GCH1: variants seen among roughly 807,000 people sequenced by gnomAD.
GCH1 encodes GTP cyclohydrolase 1, also known as GTP cyclohydrolase I.
A neutral mutation model predicts 25.9 loss-of-function variants in GCH1; 5 were observed. The observed-to-expected ratio is 0.19, with a 90% CI of 0.10 to 0.41. The LOEUF (loss-of-function observed/expected upper bound fraction) is 0.41, where lower values mean the gene tolerates loss of function less well. Ranked by LOEUF, GCH1 falls within the 10% of genes least tolerant of loss-of-function variation. The pLI, the probability that GCH1 is intolerant of heterozygous loss-of-function variation, is 1.00. For missense variants in GCH1, 261 were observed against 336.5 expected, an observed-to-expected ratio of 0.78 and a Z score of 1.75; for synonymous variants, 159 against 129.6, an observed-to-expected ratio of 1.23 and a Z score of -1.54.
At position 54,843,600 on chromosome 14, in the gene GCH1, G is replaced by A. The variant is rs1300414326; in HGVS notation, c.*417C>T. On this transcript the variant is annotated 3_prime_UTR_variant, in exon 6 of 6. Transcript: ENST00000491895. ...CCGCACTAAATATTTTAGCACTTTC[G>A]GCACTACACCACTTTTATTGGAGGA... 2.9e-5 allele frequency: 42 copies of A among 1,438,132 alleles called. No homozygotes were observed. Among genetic ancestry groups the A allele is most frequent in the Non-Finnish European group, 3.2e-5 (35 of 1,096,384 alleles). The allele number at this position is 1,438,132 out of a possible 1,614,324, so 89.1% of individuals were successfully genotyped here. A position where few individuals can be genotyped will look rare whatever the true frequency, so the allele number is the denominator to read the frequency against.
At chr14:54,895,590 A>G (rs2040473890) in intron 1 of GCH1, among the ~76,000 whole-genome samples, 2 of 152,234 alleles carry the variant, frequency 1.3e-5, no homozygotes, top group South Asian at 4.1e-4. Flanking sequence ...AATTTAACTA[A>G]GTGTAGGTTC....
intron 1 of GCH1, 43 bp downstream of exon 1, chr14:54,902,278 C>T (rs764030056): frequency 3.4e-5 from 54 of 1,597,442 alleles, no homozygotes; most frequent in South Asian, 4.4e-5. Context: ...GCAAGCACCG[C>T]CCCCGCCGCC....
chr14:54,865,228 T>C, intron 2 of GCH1, 99 bp downstream of exon 2: 2 of 668,724 alleles, frequency 3.0e-6, no homozygotes, highest in Admixed American at 4.7e-5. Flanking sequence ...ATACCTGAGA[T>C]ATCAGCAATT....
At chr14:54,870,325 C>T (rs189590475) in intron 1 of GCH1, among the ~76,000 whole-genome samples, 249 of 107,968 alleles carry the variant, frequency 2.3e-3, no homozygotes, top group Non-Finnish European at 3.7e-3. Context: ...TAGCCAGACT[C>T]TGTTTTTACC....
At chr14:54,856,236 C>G (rs2039809924) in intron 3 of GCH1, among the ~76,000 whole-genome samples, 2 of 152,146 alleles carry the variant, frequency 1.3e-5, no homozygotes, top group South Asian at 2.1e-4. Flanking sequence ...CCTGCCAGGC[C>G]ACAGCCATCA....
chr14:54,856,184 C>T (rs1327750074), intron 3 of GCH1, among the ~76,000 whole-genome samples: 1 of 152,188 alleles, frequency 6.6e-6, no homozygotes, highest in Non-Finnish European at 1.5e-5. Context: ...ACTTCTCCCC[C>T]ATTTAGAATT....
chr14:54,870,021 G>A (rs2040046530), intron 1 of GCH1, among the ~76,000 whole-genome samples: 2 of 152,154 alleles, frequency 1.3e-5, no homozygotes, highest in Admixed American at 6.5e-5. Context: ...GGGCCAGAGA[G>A]GTAGGAGAGA....
At position 54,843,509 on chromosome 14, in the gene GCH1, T is replaced by C. The variant is rs2039591434; in HGVS notation, c.*508A>G. ...CGACTGCTAAAAATATATTTTTAAA[T>C]GTCACTGGTGGTTTAATAAACATGA... On this transcript the variant is annotated 3_prime_UTR_variant, in exon 6 of 6. Transcript: ENST00000491895. 1 of 1,295,896 alleles carries C rather than the reference T, an allele frequency of 7.7e-7. No homozygotes were observed. The highest frequency in any genetic ancestry group is 1.5e-5 in the African/African-American group (1 of 66,534). 80.3% of individuals were successfully genotyped at this position (1,295,896 alleles called of 1,614,324 possible).
At chr14:54,858,784 C>G (rs536839903) in intron 3 of GCH1, among the ~76,000 whole-genome samples, 1 of 152,050 alleles carries the variant, frequency 6.6e-6, no homozygotes, top group Non-Finnish European at 1.5e-5. Context: ...TAACTTTATA[C>G]GAAGAAACAA....
chr14:54,895,167 C>T (rs1047599806), intron 1 of GCH1, among the ~76,000 whole-genome samples: 1 of 152,170 alleles, frequency 6.6e-6, no homozygotes, highest in African/African-American at 2.4e-5. Flanking sequence ...ATCTAATTGC[C>T]TCCCATTATC....
chr14:54,891,524 C>T (rs917017600), intron 1 of GCH1, among the ~76,000 whole-genome samples: 2 of 151,764 alleles, frequency 1.3e-5, no homozygotes, highest in East Asian at 1.9e-4. Context: ...ATTCTCGTGC[C>T]TCAGCCTCCC....
chr14:54,871,152 T>TCA (rs1364100682), intron 1 of GCH1, among the ~76,000 whole-genome samples: 1 of 152,084 alleles, frequency 6.6e-6, no homozygotes, highest in Admixed American at 6.6e-5. Context: ...AGACAAAACT[T>TCA]CCAGAGGAAC....
chr14:54,867,184 T>C (rs2039999386), intron 1 of GCH1, among the ~76,000 whole-genome samples: 1 of 152,114 alleles, frequency 6.6e-6, no homozygotes, highest in South Asian at 2.1e-4. Flanking sequence ...GCATTAAATA[T>C]AGGAAGCATT....
At chr14:54,870,491 CGGACAGTGGGTGCA>C (rs1308826857) in intron 1 of GCH1, among the ~76,000 whole-genome samples, 1 of 152,052 alleles carries the variant, frequency 6.6e-6, no homozygotes, top group African/African-American at 2.4e-5. Flanking sequence ...TGGGGAGTGT[CGGACAGTGGGTGCA>C]GGACAGGGGG....
intron 2 of GCH1, among the ~76,000 whole-genome samples, chr14:54,860,328 C>A (rs916250370): frequency 6.6e-6 from 1 of 152,108 alleles, no homozygotes; most frequent in Non-Finnish European, 1.5e-5. Context: ...CAAATGATCT[C>A]ATAGCAACAC....
chr14:54,846,101 G>T (rs1022588515), intron 4 of GCH1, among the ~76,000 whole-genome samples: 4 of 152,178 alleles, frequency 2.6e-5, no homozygotes, highest in Non-Finnish European at 5.9e-5. Flanking sequence ...CATCACTGCG[G>T]GAAGGAATTA....
chr14:54,876,330 C>T (rs935422901), intron 1 of GCH1, among the ~76,000 whole-genome samples: 3 of 151,830 alleles, frequency 2.0e-5, no homozygotes, highest in African/African-American at 4.8e-5. Context: ...CATCACACAC[C>T]GGGGCCTGTT....
In GCH1 at chr14:54,889,444, G is replaced by A. The variant is rs116530960; in HGVS notation, c.343+12877C>T. On this transcript the variant is annotated intron_variant, in intron 1 of 5. Coordinates refer to ENST00000491895, the MANE Select transcript of GCH1 (RefSeq NM_000161.3). ...TGAACTGAGTTCTGATTCCTGCTTA[G>A]GACAAATAAAAACTAATGTGTGATA... Among the ~76,000 whole-genome samples the A allele has an allele frequency of 9.9e-3, 1,509 of 152,222 alleles. 27 individuals are homozygous for A. Among genetic ancestry groups the A allele is most frequent in the African/African-American group, 0.035 (1,443 of 41,528 alleles).
At chr14:54,865,249 A>G in intron 2 of GCH1, 78 bp downstream of exon 2, 1 of 721,298 alleles carries the variant, frequency 1.4e-6, no homozygotes, top group South Asian at 1.6e-5. Context: ...GGCAGCTAAA[A>G]ATTTTAAATA....
Sources: gnomAD v4.1 joint callset for allele counts (sites outside exome capture counted in the v4.1 genomes callset) on GRCh38, gnomAD v4.1.1 for gene constraint, MANE v1.5 for transcripts, NCBI Gene and HGNC (gene_info 2026-07-23, HGNC 2026-07-21) for gene names.